IQCM: variants seen among roughly 807,000 people sequenced by gnomAD.
The protein encoded by IQCM is IQ motif containing M, also known as IQ domain-containing protein M.
A neutral mutation model predicts 57.6 loss-of-function variants in IQCM; 45 were observed. The observed-to-expected ratio is 0.78, with a 90% CI of 0.62 to 1.00. The LOEUF (loss-of-function observed/expected upper bound fraction) is 1.00. Ranked by LOEUF, IQCM falls within the 50% of genes least tolerant of loss-of-function variation. The pLI is 0.00. For missense variants in IQCM, 468 were observed against 511.6 expected, an observed-to-expected ratio of 0.91 and a Z score of 0.82; for synonymous variants, 148 against 158.9, an observed-to-expected ratio of 0.93 and a Z score of 0.51.
chr4:149,523,373 G>C (rs1013543121), intron 12 of IQCM, among the ~76,000 whole-genome samples: 2 of 152,010 alleles, frequency 1.3e-5, no homozygotes, highest in African/African-American at 4.8e-5. Flanking sequence ...AACATAGGAA[G>C]TTAAAAGACA....
At chr4:149,573,003 A>AAG (rs1751306828) in intron 9 of IQCM, among the ~76,000 whole-genome samples, 2 of 151,902 alleles carry the variant, frequency 1.3e-5, no homozygotes, top group Non-Finnish European at 2.9e-5. Context: ...GAAAAAAGCT[A>AAG]TATGCATGAA....
chr4:149,646,162 C>A (rs972223758), intron 7 of IQCM, among the ~76,000 whole-genome samples: 7 of 152,138 alleles, frequency 4.6e-5, no homozygotes, highest in African/African-American at 1.7e-4. Context: ...CTGTAGAGTT[C>A]TCTTAAATCT....
chr4:149,484,542 C>G lies in IQCM; in HGVS notation c.1229-50985G>C, dbSNP rs543097747. The stretch of plus-strand genomic sequence containing the variant: ...ACCCATTATTTTAAACTGATGACAC[C>G]TTAACATTGATTGCATATAGAAACA... On this transcript the variant is annotated intron_variant, in intron 12 of 13. Coordinates refer to ENST00000636793, the MANE Select transcript of IQCM (RefSeq NM_001363507.2). Among the ~76,000 whole-genome samples the G allele has an allele frequency of 1.4e-4, 22 of 151,890 alleles. 1 individual carries two copies. The highest frequency in any genetic ancestry group is 5.1e-4 in the African/African-American group (21 of 41,482).
chr4:149,639,359 G>A (rs759518254), intron 7 of IQCM, among the ~76,000 whole-genome samples: 6 of 151,244 alleles, frequency 4.0e-5, no homozygotes, highest in African/African-American at 9.7e-5. Context: ...CCGGGAGATC[G>A]AGGCTGCAGT....
chr4:149,410,131 C>T (rs1733270385), intron 13 of IQCM, among the ~76,000 whole-genome samples: 2 of 151,974 alleles, frequency 1.3e-5, no homozygotes, highest in Non-Finnish European at 2.9e-5. Context: ...TGCAGTGAGC[C>T]GAGATTGCGC....
At chr4:149,613,718 G>A (rs1025121125) in intron 8 of IQCM, among the ~76,000 whole-genome samples, 110 of 151,640 alleles carry the variant, frequency 7.3e-4, no homozygotes, top group African/African-American at 2.4e-3. Flanking sequence ...ATCTCTCCCC[G>A]CTCCCCCCAC....
intron 13 of IQCM, among the ~76,000 whole-genome samples, chr4:149,407,586 G>A (rs905549888): frequency 1.3e-5 from 2 of 151,962 alleles, no homozygotes; most frequent in African/African-American, 4.8e-5. Context: ...TTCTGTTATT[G>A]AGTCATTTCA....
rs1471699930 is a variant in IQCM at position 149,371,713 on chromosome 4, C to G, written c.1391-19647G>C. Reference sequence around the variant, plus strand: ...TGATTCTCCAAGATTCATTCTACCACTGCTGACAGATCATGAAAGTTAATT... The same window carrying G: ...TGATTCTCCAAGATTCATTCTACCAGTGCTGACAGATCATGAAAGTTAATT... On this transcript the variant is annotated intron_variant, in intron 13 of 13. Coordinates refer to ENST00000636793, the MANE Select transcript of IQCM (RefSeq NM_001363507.2). 2.0e-5 allele frequency among the ~76,000 whole-genome samples: 3 copies of G among 152,204 alleles called. No homozygotes were observed. In the East Asian group the frequency reaches 5.8e-4, roughly 29 times the overall value.
intron 12 of IQCM, among the ~76,000 whole-genome samples, chr4:149,440,413 A>G (rs1735823234): frequency 6.6e-6 from 1 of 151,914 alleles, no homozygotes; most frequent in African/African-American, 2.4e-5. Context: ...TTCATTACTA[A>G]TATCAGTTTT....
chr4:149,771,081 T>C (rs1248435848), intron 2 of IQCM, among the ~76,000 whole-genome samples: 1 of 152,060 alleles, frequency 6.6e-6, no homozygotes, highest in African/African-American at 2.4e-5. Flanking sequence ...GTAAAAGAAA[T>C]CTACAATTAA....
At chr4:149,673,054 C>A (rs1761441028) in intron 7 of IQCM, among the ~76,000 whole-genome samples, 1 of 152,012 alleles carries the variant, frequency 6.6e-6, no homozygotes, top group East Asian at 1.9e-4. Context: ...GAAATAAAAT[C>A]CTTTACAGAC....
intron 2 of IQCM, among the ~76,000 whole-genome samples, chr4:149,791,766 A>T (rs865955122): frequency 6.6e-6 from 1 of 152,194 alleles, no homozygotes; most frequent in Non-Finnish European, 1.5e-5. Flanking sequence ...GTTTAGATGA[A>T]GAGCGTCTAA....
chr4:149,563,436 A>G (rs1373334751), intron 10 of IQCM, among the ~76,000 whole-genome samples: 1 of 152,174 alleles, frequency 6.6e-6, no homozygotes, highest in African/African-American at 2.4e-5. Context: ...TACACTAAAA[A>G]TTAGCTGGAT....
intron 2 of IQCM, among the ~76,000 whole-genome samples, chr4:149,794,750 G>A (rs1772960722): frequency 6.6e-6 from 1 of 152,058 alleles, no homozygotes; most frequent in Admixed American, 6.5e-5. Context: ...AAAGCTGTAA[G>A]ATAAAGTCAA....
intron 11 of IQCM, among the ~76,000 whole-genome samples, chr4:149,552,738 C>T (rs1749156680): frequency 6.6e-6 from 1 of 152,100 alleles, no homozygotes; most frequent in South Asian, 2.1e-4. Context: ...GTTGCTGTCT[C>T]CCTGGAATAT....
chr4:149,745,435 A>T (rs750676178), intron 2 of IQCM, among the ~76,000 whole-genome samples: 1 of 152,188 alleles, frequency 6.6e-6, no homozygotes, highest in Non-Finnish European at 1.5e-5. Flanking sequence ...TTGTATAATC[A>T]GTAATTATGG....
At chr4:149,690,691 T>C (rs1762880406) in intron 5 of IQCM, 1 of 152,090 alleles carries the variant, frequency 6.6e-6, no homozygotes, top group African/African-American at 2.4e-5. Context: ...ATGATGGAGG[T>C]AGGGTAAGTC....
intron 2 of IQCM, among the ~76,000 whole-genome samples, chr4:149,749,984 T>A (rs2149931166): frequency 6.6e-6 from 1 of 152,306 alleles, no homozygotes; most frequent in Non-Finnish European, 1.5e-5. Context: ...TTTATTTGAA[T>A]TCCTGAAAAG....
chr4:149,496,013 G>C (rs1742618475), intron 12 of IQCM, among the ~76,000 whole-genome samples: 1 of 152,090 alleles, frequency 6.6e-6, no homozygotes, highest in African/African-American at 2.4e-5. Context: ...TAAGCAAATG[G>C]ATCAGGTCAA....
Sources: allele counts gnomAD v4.1 joint callset (sites outside exome capture counted in the v4.1 genomes callset), GRCh38; gene constraint gnomAD v4.1.1; transcripts MANE v1.5; gene names NCBI Gene and HGNC (gene_info 2026-07-23, HGNC 2026-07-21).